DNAJC6: variants seen among roughly 807,000 people sequenced by gnomAD.
The protein encoded by DNAJC6 is DnaJ heat shock protein family (Hsp40) member C6.
A neutral mutation model predicts 110.0 loss-of-function variants in DNAJC6; 34 were observed. The observed-to-expected ratio is 0.31, with a 90% CI of 0.24 to 0.41. DNAJC6 has a LOEUF of 0.41. Among genes scored for constraint, DNAJC6 ranks in the 10% least tolerant of loss-of-function variants. The pLI, the probability that DNAJC6 is intolerant of heterozygous loss-of-function variation, is 1.00. For synonymous variants in DNAJC6, 406 were observed against 437.2 expected (o/e 0.93, Z 0.89); for missense variants, 1,031 against 1,207.8 (o/e 0.85, Z 2.17).
At position 65,392,812 on chromosome 1, in the gene DNAJC6, C is replaced by G. The variant is rs1460469083; in HGVS notation, c.1850C>G (p.Pro617Arg). ...PSGPASTQSTPRRSATSTSAS... is the reference protein window; with the variant it reads ...PSGPASTQSTRRRSATSTSAS... Reference sequence around the variant, plus strand: ...GGACCTGCGTCTACCCAGTCAACACCACGCCGCTCTGCCACCTCCACCTCT... The same window carrying G: ...GGACCTGCGTCTACCCAGTCAACACGACGCCGCTCTGCCACCTCCACCTCT... Residue 617 changes from proline (P) to arginine (R), a missense_variant, in exon 12 of 19, where the codon CCA becomes CGA. Physicochemically the swap from Pro to Arg is moderately radical, Grantham distance 103. Transcript: ENST00000371069. 5 of 1,571,544 alleles carry G rather than the reference C, an allele frequency of 3.2e-6. No individual in the cohort carries two copies. Among genetic ancestry groups the G allele is most frequent in the Non-Finnish European group, 4.3e-6 (5 of 1,160,826 alleles).
At chr1:65,295,523 AG>A (rs990054406) in intron 1 of DNAJC6, among the ~76,000 whole-genome samples, 9 of 152,226 alleles carry the variant, frequency 5.9e-5, no homozygotes, top group Non-Finnish European at 7.3e-5. Context: ...AGAATTTCCC[AG>A]AAAAAGGGAC....
At chr1:65,345,229 C>CGT (rs55934054) in intron 1 of DNAJC6, among the ~76,000 whole-genome samples, 15,797 of 143,792 alleles carry the variant, frequency 0.11, 948 homozygotes, top group African/African-American at 0.17. Flanking sequence ...CTCTCCCTTT[C>CGT]GTGTGTGTGT....
chr1:65,406,233 T>A, intron 16 of DNAJC6, 100 bp downstream of exon 16: 4 of 1,465,666 alleles, frequency 2.7e-6, no homozygotes, highest in Non-Finnish European at 3.7e-6. Flanking sequence ...TTCTGGGTAG[T>A]TTCAATTCAG....
rs150914781 is a variant in DNAJC6 at position 65,409,889 on chromosome 1, T to G, written c.2634+1106T>G. 6.2e-4 allele frequency among the ~76,000 whole-genome samples: 94 copies of G among 152,344 alleles called. 1 individual carries two copies. The highest frequency in any genetic ancestry group is 2.2e-3 in the African/African-American group (92 of 41,576). On this transcript the variant is annotated intron_variant, in intron 17 of 18. Coordinates refer to ENST00000371069, the MANE Select transcript of DNAJC6 (RefSeq NM_001256864.2). ...ACTGTTTTAGCATGTTTCAGCATTTTGTTTTTTTAAGTTTGCAATTCAGCG... is the reference window on the plus strand; with the variant it reads ...ACTGTTTTAGCATGTTTCAGCATTTGGTTTTTTTAAGTTTGCAATTCAGCG...
In DNAJC6 at chr1:65,283,312, C is replaced by T. The variant is rs150882075; in HGVS notation, c.-131+18380C>T. 9.2e-5 allele frequency among the ~76,000 whole-genome samples: 14 copies of T among 152,248 alleles called. No homozygotes were observed. In the East Asian group the frequency reaches 2.7e-3, roughly 29 times the overall value. On this transcript the variant is annotated intron_variant, in intron 1 of 19. Coordinates refer to the DNAJC6 transcript ENST00000263441. ...CCCCTTTATGGCCACCTCCATTTCC[C>T]GGTCCTTAACCCTTGGAAATTTAGT...
chr1:65,304,102 G>A (rs1645015254), intron 1 of DNAJC6, among the ~76,000 whole-genome samples: 1 of 152,014 alleles, frequency 6.6e-6, no homozygotes, highest in African/African-American at 2.4e-5. Flanking sequence ...AGGTAGGTAA[G>A]GCACCTGGCA....
At chr1:65,359,016 A>G (rs2101540649) in intron 1 of DNAJC6, among the ~76,000 whole-genome samples, 1 of 152,318 alleles carries the variant, frequency 6.6e-6, no homozygotes, top group African/African-American at 2.4e-5. Context: ...ACCACTTCTC[A>G]CAGTGTTTTG....
In DNAJC6 at chr1:65,335,491, C is replaced by T. The variant is rs556486729; in HGVS notation, c.193+25553C>T. On this transcript the variant is annotated intron_variant, in intron 1 of 18. Coordinates refer to ENST00000371069, the MANE Select transcript of DNAJC6 (RefSeq NM_001256864.2). ...TAAAAACCCTCAAGATAAAAAGAGCCGTGAAGAAAAAAGAGTAGACTAAGG... is the reference window on the plus strand; with the variant it reads ...TAAAAACCCTCAAGATAAAAAGAGCTGTGAAGAAAAAAGAGTAGACTAAGG... Among the ~76,000 whole-genome samples the T allele has an allele frequency of 5.3e-5, 8 of 151,820 alleles. 1 individual carries two copies. Among genetic ancestry groups the T allele is most frequent in the African/African-American group, 9.7e-5 (4 of 41,372 alleles).
intron 1 of DNAJC6, among the ~76,000 whole-genome samples, chr1:65,268,933 A>AT (rs559557033): frequency 3.3e-5 from 5 of 151,318 alleles, no homozygotes; most frequent in East Asian, 3.9e-4. Flanking sequence ...ATTTGGGTGA[A>AT]TTTTTTTTTG....
chr1:65,345,557 A>G (rs1570306533), intron 1 of DNAJC6: 3 of 651,518 alleles, frequency 4.6e-6, no homozygotes, highest in East Asian at 1.4e-4. Context: ...GGTTCTTTTA[A>G]TCACAACACG....
intron 2 of DNAJC6, among the ~76,000 whole-genome samples, chr1:65,365,129 G>T (rs137991924): frequency 3.7e-4 from 57 of 152,156 alleles, no homozygotes; most frequent in African/African-American, 1.3e-3. Context: ...ACCCTGACAG[G>T]ATTTGTGTCT....
At chr1:65,331,233 CAGGTTT>C (rs1645286263) in intron 1 of DNAJC6, among the ~76,000 whole-genome samples, 1 of 152,142 alleles carries the variant, frequency 6.6e-6, no homozygotes, top group Non-Finnish European at 1.5e-5. Flanking sequence ...ATTGGCTTCC[CAGGTTT>C]ATGAAGTTCC....
chr1:65,394,890 T>C lies in DNAJC6; in HGVS notation c.1904-8T>C, dbSNP rs1229543795. ...GACAAATAAATATATTTTCCCATTG[T>C]TTTCTAGGTGCCACCTTTGACCCAT... On this transcript the variant is annotated splice_polypyrimidine_tract_variant and splice_region_variant and intron_variant, in intron 12 of 18. Coordinates refer to ENST00000371069, the MANE Select transcript of DNAJC6 (RefSeq NM_001256864.2). The C allele has an allele frequency of 1.3e-6, 2 of 1,579,344 alleles. No individual in the cohort carries two copies. Among genetic ancestry groups the C allele is most frequent in the Non-Finnish European group, 1.7e-6 (2 of 1,167,964 alleles).
chr1:65,385,678 T>C (rs547736962), intron 6 of DNAJC6, 34 bp from the exon 7 acceptor site: 19 of 1,449,188 alleles, frequency 1.3e-5, no homozygotes, highest in Non-Finnish European at 1.7e-5. Context: ...CCTGATGTGA[T>C]GGGCCCCAAG....
chr1:65,368,666 TTC>T (rs1294293601), intron 4 of DNAJC6, among the ~76,000 whole-genome samples: 1 of 148,728 alleles, frequency 6.7e-6, no homozygotes, highest in Admixed American at 6.7e-5. Context: ...TCCTCCTTCC[TTC>T]CTCTCTCCCT....
At chr1:65,318,062 C>T (rs537819851) in intron 1 of DNAJC6, among the ~76,000 whole-genome samples, 62 of 152,218 alleles carry the variant, frequency 4.1e-4, no homozygotes, top group African/African-American at 1.5e-3. Context: ...AGATAAGACC[C>T]AGGTCAGGGT....
intron 1 of DNAJC6, among the ~76,000 whole-genome samples, chr1:65,311,097 A>T (rs192844208): frequency 6.6e-6 from 1 of 152,290 alleles, no homozygotes; most frequent in Non-Finnish European, 1.5e-5. Flanking sequence ...CTGGGCTGAA[A>T]ACAAATTCTA....
chr1:65,286,504 C>T (rs1654024272), intron 1 of DNAJC6, among the ~76,000 whole-genome samples: 1 of 152,130 alleles, frequency 6.6e-6, no homozygotes, highest in African/African-American at 2.4e-5. Flanking sequence ...GCTTCAGCCT[C>T]CTAAAGTGTT....
chr1:65,388,394 C>T lies in DNAJC6; in HGVS notation c.1172C>T (p.Thr391Ile). The T allele has an allele frequency of 6.2e-7, 1 of 1,614,002 alleles. No individual in the cohort carries two copies. Among genetic ancestry groups the T allele is most frequent in the Non-Finnish European group, 8.5e-7 (1 of 1,179,982 alleles). The change falls in exon 9 of 19, where the codon ACA (threonine) becomes ATA (isoleucine). Residue 391 changes from threonine (T) to isoleucine (I), a missense_variant. Thr to Ile is a moderately conservative substitution (Grantham distance 89, BLOSUM62 -1). Transcript: ENST00000371069. Reference protein sequence around the residue: ...QFHTGFIPLDTTVLKFTKPEL... With the variant: ...QFHTGFIPLDITVLKFTKPEL... ...CACACTGGATTCATACCACTGGACACAACAGTTTTAAAGTTCACCAAGTAA... is the reference window on the plus strand; with the variant it reads ...CACACTGGATTCATACCACTGGACATAACAGTTTTAAAGTTCACCAAGTAA...
Sources: allele counts gnomAD v4.1 joint callset (sites outside exome capture counted in the v4.1 genomes callset), GRCh38; gene constraint gnomAD v4.1.1; transcripts MANE v1.5; gene names NCBI Gene and HGNC (gene_info 2026-07-23, HGNC 2026-07-21).